RPAIN: variants seen among roughly 807,000 people sequenced by gnomAD.
RPAIN encodes RPA interacting protein.
Under a neutral mutation model 30.5 loss-of-function variants are expected in RPAIN, and 29 were observed. The ratio of observed to expected loss-of-function variants is 0.95; its 90% confidence interval spans 0.71 to 1.30. The LOEUF (loss-of-function observed/expected upper bound fraction) is 1.30. RPAIN is among the 50% of genes most tolerant of loss of function. RPAIN has a pLI of 0.00. For synonymous variants in RPAIN, 101 were observed against 93.5 expected, an observed-to-expected ratio of 1.08 and a Z score of -0.46; for missense variants, 247 against 264.7, an observed-to-expected ratio of 0.93 and a Z score of 0.46.
chr17:5,429,268 G>C, intron 6 of RPAIN: 1 of 985,436 alleles, frequency 1.0e-6, no homozygotes. Flanking sequence ...GCATGGAATC[G>C]ATCTGGACAG....
intron 3 of RPAIN, among the ~76,000 whole-genome samples, chr17:5,424,225 T>C (rs1215877633): frequency 6.6e-6 from 1 of 152,004 alleles, no homozygotes; most frequent in African/African-American, 2.4e-5. Context: ...CTCCCTGGTC[T>C]CAAGTGATCC....
intron 6 of RPAIN, chr17:5,428,519 T>C (rs776262194): frequency 6.7e-5 from 92 of 1,363,424 alleles, no homozygotes; most frequent in Non-Finnish European, 8.4e-5. Flanking sequence ...TTCATAGTCA[T>C]AAGACCCAGA....
chr17:5,427,020 T>C (rs1317756567), intron 5 of RPAIN: 5 of 152,178 alleles, frequency 3.3e-5, no homozygotes, highest in Admixed American at 6.5e-5. Context: ...AATTGAGCGA[T>C]TGGTTAAAGA....
At chr17:5,431,957 C>T (rs961114442) in intron 6 of RPAIN, 8 of 258,244 alleles carry the variant, frequency 3.1e-5, no homozygotes, top group Non-Finnish European at 6.0e-5. Context: ...TCGCCAAGGT[C>T]TGATTTTTCA....
At chr17:5,421,840 C>CA (rs1282858032) in intron 2 of RPAIN, 1 of 154,896 alleles carries the variant, frequency 6.5e-6, no homozygotes, top group Non-Finnish European at 1.4e-5. Flanking sequence ...GGCTGGAGTG[C>CA]AGTGGCAAGA....
chr17:5,423,125 A>G (rs1915036916), intron 3 of RPAIN: 1 of 245,748 alleles, frequency 4.1e-6, no homozygotes, highest in Non-Finnish European at 7.6e-6. Flanking sequence ...CGTGCAGGTC[A>G]TACAGCTAGT....
At chr17:5,426,609 C>A in intron 5 of RPAIN, 3 of 258,886 alleles carry the variant, frequency 1.2e-5, no homozygotes, top group East Asian at 7.9e-5. Context: ...TATATGAAGA[C>A]ATACCTAATT....
intron 6 of RPAIN, chr17:5,430,989 T>C (rs1035855981): frequency 5.8e-6 from 1 of 172,608 alleles, no homozygotes. Flanking sequence ...CAGCTCAGCA[T>C]ATAATTGTTA....
intron 6 of RPAIN, chr17:5,428,695 C>A: frequency 1.0e-6 from 1 of 965,888 alleles, no homozygotes; most frequent in Non-Finnish European, 1.3e-6. Context: ...GTAAGGGAAC[C>A]ACCTGTCTTA....
rs533343279 is a variant in RPAIN, at chr17:5,422,105, C to T, written c.252+639C>T. On this transcript the variant is annotated intron_variant, in intron 2 of 6. Coordinates refer to ENST00000381209, the MANE Select transcript of RPAIN (RefSeq NM_001033002.4). ...TCTAATCTCAGCCAACGTTGGCAGCCATGTGTGGAAGGGAAAACCATTTAT... is the reference window on the plus strand; with the variant it reads ...TCTAATCTCAGCCAACGTTGGCAGCTATGTGTGGAAGGGAAAACCATTTAT... Among the ~76,000 whole-genome samples, 26 of 152,308 alleles carry T rather than the reference C, an allele frequency of 1.7e-4. No individual in the cohort carries two copies. In the South Asian group the frequency reaches 5.2e-3, roughly 30 times the overall value.
intron 3 of RPAIN, chr17:5,425,180 C>T (rs1915254765): frequency 5.1e-6 from 2 of 390,634 alleles, no homozygotes; most frequent in Admixed American, 6.3e-5. Context: ...ACTGTGAGCT[C>T]AACAATGACA....
Position 5,422,807 on chromosome 17 carries a change from T to A in RPAIN, c.291T>A (p.Ile97=), listed in dbSNP as rs778171966. The A allele has an allele frequency of 5.0e-6, 8 of 1,613,116 alleles. No homozygotes were observed. The highest frequency in any genetic ancestry group is 6.8e-6 in the Non-Finnish European group (8 of 1,179,340). The part of the protein sequence containing the change: ...ELIDMAVLEE[I]QQELINQEQS... ...TAGACATGGCTGTGCTGGAGGAAATTCAACAGGAGCTGATCAACCAAGGTA... is the reference window on the plus strand; with the variant it reads ...TAGACATGGCTGTGCTGGAGGAAATACAACAGGAGCTGATCAACCAAGGTA... The change falls in exon 3 of 7, where the codon ATT becomes ATA. Residue 97 remains isoleucine, a synonymous_variant. Coordinates refer to ENST00000381209, the MANE Select transcript of RPAIN (RefSeq NM_001033002.4).
intron 5 of RPAIN, 101 bp from the exon 6 acceptor site, chr17:5,427,970 C>A: frequency 1.7e-6 from 2 of 1,167,080 alleles, no homozygotes; most frequent in Non-Finnish European, 2.6e-6. Context: ...GTCAAGCCAT[C>A]ACAGTGAGCC....
intron 1 of RPAIN, among the ~76,000 whole-genome samples, chr17:5,420,596 G>A (rs1914666008): frequency 6.6e-6 from 1 of 151,586 alleles, no homozygotes; most frequent in South Asian, 2.1e-4. Flanking sequence ...CTTTGTCTAC[G>A]TTCGTCTTGT....
Position 5,420,263 on chromosome 17 carries a change from C to T in RPAIN, c.53C>T (p.Ser18Leu), listed in dbSNP as rs1461804607. 1.9e-6 allele frequency: 3 copies of T among 1,613,472 alleles called. No individual in the cohort carries two copies. The highest frequency in any genetic ancestry group is 1.1e-5 in the South Asian group (1 of 91,050). Residue 18 changes from serine (S) to leucine (L), a missense_variant, in exon 1 of 7, where the codon TCG becomes TTG. Ser to Leu is a moderately radical substitution (Grantham distance 145). Transcript: ENST00000381209. ...CGCTCCCTGTACAAACTGGTGGGCT[C>T]GCCGCCTTGGAAAGAGGCTTTCCGG... ...PRRSLYKLVGSPPWKEAFRQR... is the reference protein window; with the variant it reads ...PRRSLYKLVGLPPWKEAFRQR...
rs199668665 is a variant in RPAIN at position 5,421,267 on chromosome 17, T to C, written c.82-29T>C. ...TTTAAAAATAGAAATGCTTTTTTTT[T>C]CCCCCCCAATCTTGCTCTTTTTTCC... On this transcript the variant is annotated intron_variant, in intron 1 of 6. Coordinates refer to ENST00000381209, the MANE Select transcript of RPAIN (RefSeq NM_001033002.4). 9,029 of 1,493,384 alleles carry C rather than the reference T, an allele frequency of 6.0e-3. 43 individuals carry two copies. Among genetic ancestry groups the C allele is most frequent in the Middle Eastern group, 0.012 (65 of 5,534 alleles). The allele number at this position is 1,493,384 out of a possible 1,614,324, so 92.5% of individuals were successfully genotyped here. A position where few individuals can be genotyped will look rare whatever the true frequency, so the allele number is the denominator to read the frequency against.
rs1259130905 is a variant in RPAIN, at chr17:5,428,225, G to A, written c.630+14G>A. On this transcript the variant is annotated intron_variant, in intron 6 of 6. Coordinates refer to ENST00000381209, the MANE Select transcript of RPAIN (RefSeq NM_001033002.4). Reference sequence around the variant, plus strand: ...ATGAGCTGTCTGGTAAGCGTCTCCTGGGACCCACTCTGTGGTAAGAGGGAC... The same window carrying A: ...ATGAGCTGTCTGGTAAGCGTCTCCTAGGACCCACTCTGTGGTAAGAGGGAC... 1 of 1,614,130 alleles carries A rather than the reference G, an allele frequency of 6.2e-7. No homozygotes were observed. Among genetic ancestry groups the A allele is most frequent in the South Asian group, 1.1e-5 (1 of 91,078 alleles).
At chr17:5,431,370 C>CCAG (rs1311970382) in intron 6 of RPAIN, 1 of 440,016 alleles carries the variant, frequency 2.3e-6, no homozygotes, top group African/African-American at 2.1e-5. Context: ...ACCTGTACTC[C>CCAG]CAGCTACTCG....
In RPAIN at chr17:5,428,070, GTCT is replaced by G; in HGVS notation, c.493_495del (p.Ser165del). 1 of 1,614,042 alleles carries G rather than the reference GTCT, an allele frequency of 6.2e-7. No homozygotes were observed. The highest frequency in any genetic ancestry group is 8.5e-7 in the Non-Finnish European group (1 of 1,179,988). The stretch of plus-strand genomic sequence containing the variant: ...GGAGGTTGAACTTTTTTATTTTGTA[GTCT>G]TCTGAGTTGACAGAGCAGAAGCTTC... On this transcript the variant is annotated inframe_deletion and splice_region_variant, in exon 6 of 7. Coordinates refer to ENST00000381209, the MANE Select transcript of RPAIN (RefSeq NM_001033002.4).
Sources: allele counts gnomAD v4.1 joint callset (sites outside exome capture counted in the v4.1 genomes callset), GRCh38; gene constraint gnomAD v4.1.1; transcripts MANE v1.5; gene names NCBI Gene and HGNC (gene_info 2026-07-23, HGNC 2026-07-21).